PRKG1: variants seen among roughly 807,000 people sequenced by gnomAD.
The protein encoded by PRKG1 is cGMP-dependent protein kinase 1.
A neutral mutation model predicts 88.1 loss-of-function variants in PRKG1; 35 were observed. The ratio of observed to expected loss-of-function variants is 0.40; its 90% CI spans 0.30 to 0.53. The LOEUF (loss-of-function observed/expected upper bound fraction) is 0.53, where lower values mean the gene tolerates loss of function less well. Ranked by LOEUF, PRKG1 falls within the 20% of genes least tolerant of loss-of-function variation. PRKG1 has a pLI of 0.59. For synonymous variants in PRKG1, 303 were observed against 292.5 expected (o/e 1.04, Z -0.37); for missense variants, 540 against 839.8 (o/e 0.64, Z 4.41).
chr10:51,251,621 T>G (rs1248634758), intron 2 of PRKG1, among the ~76,000 whole-genome samples: 1 of 151,816 alleles, frequency 6.6e-6, no homozygotes, highest in Non-Finnish European at 1.5e-5. Context: ...ATGGTCATTT[T>G]CTACTATATA....
At chr10:51,176,788 T>C (rs1403337214) in intron 2 of PRKG1, among the ~76,000 whole-genome samples, 2 of 152,120 alleles carry the variant, frequency 1.3e-5, no homozygotes, top group African/African-American at 2.4e-5. Flanking sequence ...TGGAGTATGA[T>C]GGAGATGGAA....
chr10:51,629,840 T>G (rs993901321), intron 3 of PRKG1, among the ~76,000 whole-genome samples: 1 of 152,164 alleles, frequency 6.6e-6, no homozygotes. Flanking sequence ...AAAGCTGAGA[T>G]AGATGATCAT....
At chr10:51,591,153 G>A (rs1838302627) in intron 3 of PRKG1, among the ~76,000 whole-genome samples, 1 of 152,190 alleles carries the variant, frequency 6.6e-6, no homozygotes, top group Admixed American at 6.5e-5. Context: ...GTATGTGTGT[G>A]TGTGTGTGTG....
intron 5 of PRKG1, among the ~76,000 whole-genome samples, chr10:51,919,518 A>G (rs1842416984): frequency 6.8e-6 from 1 of 147,208 alleles, no homozygotes; most frequent in South Asian, 2.4e-4. Flanking sequence ...CCTGCTGTGC[A>G]ATACCATTCT....
chr10:51,225,256 G>T (rs973311826), intron 2 of PRKG1, among the ~76,000 whole-genome samples: 4 of 152,084 alleles, frequency 2.6e-5, no homozygotes, highest in Non-Finnish European at 4.4e-5. Flanking sequence ...CTAGTTCACT[G>T]GGCTCTCTTT....
chr10:51,507,354 A>G (rs1353031852), intron 3 of PRKG1, among the ~76,000 whole-genome samples: 1 of 152,054 alleles, frequency 6.6e-6, no homozygotes, highest in African/African-American at 2.4e-5. Flanking sequence ...GGTGAAAAAG[A>G]TATGTCAGGT....
chr10:51,896,666 A>AAG (rs1841856497), intron 4 of PRKG1, among the ~76,000 whole-genome samples: 2 of 150,396 alleles, frequency 1.3e-5, no homozygotes, highest in Non-Finnish European at 3.0e-5. Context: ...AAAAAAAAAA[A>AAG]AAAAGAAAAG....
At chr10:51,875,325 C>G (rs1487074628) in intron 4 of PRKG1, among the ~76,000 whole-genome samples, 1 of 151,020 alleles carries the variant, frequency 6.6e-6, no homozygotes, top group Admixed American at 6.6e-5. Context: ...AAAAAAAATA[C>G]TGCACATGAG....
chr10:51,387,918 A>G (rs680439), intron 2 of PRKG1, among the ~76,000 whole-genome samples: 126,382 of 152,076 alleles, frequency 0.83, 52,914 homozygotes, highest in African/African-American at 0.88. Flanking sequence ...GGCATATGGT[A>G]TGAAGTCATT....
At chr10:51,375,095 A>G (rs928281176) in intron 2 of PRKG1, among the ~76,000 whole-genome samples, 2 of 152,198 alleles carry the variant, frequency 1.3e-5, no homozygotes, top group Non-Finnish European at 2.9e-5. Flanking sequence ...GTTAGAATCA[A>G]TGTACCTATT....
In PRKG1 at chr10:51,588,213, A is replaced by AT. The variant is rs541504921; in HGVS notation, c.592+120386dup. Among the ~76,000 whole-genome samples the AT allele has an allele frequency of 7.8e-3, 1,176 of 151,268 alleles. 15 individuals carry two copies. The highest frequency in any genetic ancestry group is 0.027 in the African/African-American group (1,104 of 41,366). Reference sequence around the variant, plus strand: ...CCCAGGCATTGAGTATACAGTGCACATTTTTTTTTAGCATCATCACACTTT... The same window carrying AT: ...CCCAGGCATTGAGTATACAGTGCACATTTTTTTTTTAGCATCATCACACTTT... On this transcript the variant is annotated intron_variant, in intron 3 of 17. Transcript: ENST00000373980.
chr10:51,948,553 T>TGCGC (rs1183466134), intron 5 of PRKG1, among the ~76,000 whole-genome samples: 1 of 68,860 alleles, frequency 1.5e-5, no homozygotes, highest in African/African-American at 4.8e-5. Flanking sequence ...TGTGTGCGTG[T>TGCGC]GTGTGTGTGT....
intron 9 of PRKG1, among the ~76,000 whole-genome samples, chr10:52,229,992 T>A (rs1840484397): frequency 6.6e-6 from 1 of 152,160 alleles, no homozygotes; most frequent in South Asian, 2.1e-4. Context: ...CCTGATTGTA[T>A]ACAATATGGT....
At chr10:52,081,590 G>A (rs1363903911) in intron 7 of PRKG1, 10 of 456,466 alleles carry the variant, frequency 2.2e-5, no homozygotes, top group African/African-American at 8.0e-5. Context: ...TGCCATGTAC[G>A]ATGTAGGCAT....
chr10:51,628,019 T>TC lies in PRKG1; in HGVS notation c.592+160183_592+160184insC, dbSNP rs1491491473. 3.7e-4 allele frequency among the ~76,000 whole-genome samples: 22 copies of TC among 59,760 alleles called. 1 individual carries two copies. The highest frequency in any genetic ancestry group is 2.0e-3 in the East Asian group (2 of 1,008). The allele number at this position is 59,760 out of a possible 152,430, so 39.2% of individuals were successfully genotyped here. A position where few individuals can be genotyped will look rare whatever the true frequency, so the allele number is the denominator to read the frequency against. On this transcript the variant is annotated intron_variant, in intron 3 of 17. Coordinates refer to ENST00000373980, the MANE Select transcript of PRKG1 (RefSeq NM_006258.4). ...CTCTCTCTCTCTCTCTCTTTCTTTC[T>TC]TTCTTTCTTTCTTTCTTTCCTTCCT...
chr10:51,055,585 A>T (rs369751519), intron 1 of PRKG1, among the ~76,000 whole-genome samples: 3 of 151,880 alleles, frequency 2.0e-5, no homozygotes, highest in African/African-American at 4.8e-5. Context: ...TACAAAAAAA[A>T]AAAATTAGCT....
At chr10:51,485,355 C>T (rs1051560238) in intron 3 of PRKG1, among the ~76,000 whole-genome samples, 8 of 152,120 alleles carry the variant, frequency 5.3e-5, no homozygotes, top group Admixed American at 2.0e-4. Flanking sequence ...AGGTTCCTAC[C>T]TTGAACATTT....
Position 52,264,623 on chromosome 10 carries a change from C to A in PRKG1, c.1174-6727C>A, listed in dbSNP as rs182555959. Among the ~76,000 whole-genome samples the A allele has an allele frequency of 3.0e-3, 454 of 152,122 alleles. 1 individual carries two copies. Among genetic ancestry groups the A allele is most frequent in the Non-Finnish European group, 4.6e-3 (316 of 67,960 alleles). On this transcript the variant is annotated intron_variant, in intron 10 of 17. Transcript: ENST00000373980. ...TGCTTCACCAAATAATATAGATTTC[C>A]TGAGTAAAATTTTGTGCTATTTTAT... is the stretch of plus-strand genomic sequence containing the variant.
chr10:52,077,054 G>T (rs1246928813), intron 7 of PRKG1, among the ~76,000 whole-genome samples: 3 of 151,122 alleles, frequency 2.0e-5, no homozygotes, highest in Non-Finnish European at 2.9e-5. Context: ...CATTCCATTC[G>T]TAGGTATTTA....
Sources: allele counts gnomAD v4.1 joint callset (sites outside exome capture counted in the v4.1 genomes callset), GRCh38; gene constraint gnomAD v4.1.1; transcripts MANE v1.5; gene names NCBI Gene and HGNC (gene_info 2026-07-23, HGNC 2026-07-21).